The following DENND6A variants were observed in gnomAD, a reference collection of about 807,000 sequenced individuals.
DENND6A encodes protein DENND6A.
In DENND6A, 43 loss-of-function variants were observed where a neutral mutation model predicts 95.5. The observed-to-expected ratio is 0.45, with a 90% CI of 0.35 to 0.58. The LOEUF (loss-of-function observed/expected upper bound fraction) is 0.58. DENND6A is among the 20% of genes least tolerant of loss of function. The probability of loss-of-function intolerance (pLI) is 0.00; values close to 1 mark genes in which losing one functional copy is unlikely to be tolerated. For missense variants in DENND6A, 574 were observed against 736.0 expected (o/e 0.78, Z 2.55); for synonymous variants, 257 against 260.4 (o/e 0.99, Z 0.13).
intron 9 of DENND6A, among the ~76,000 whole-genome samples, chr3:57,652,628 C>T (rs114552515): frequency 0.01 from 1,540 of 152,230 alleles, 30 homozygotes; most frequent in African/African-American, 0.035. Context: ...CCCAAAAATA[C>T]CTAATTACAA....
chr3:57,672,721 C>T (rs915946409), intron 1 of DENND6A, among the ~76,000 whole-genome samples: 4 of 151,610 alleles, frequency 2.6e-5, no homozygotes, highest in African/African-American at 9.7e-5. Flanking sequence ...AGACAGAGAT[C>T]GTAGTAAGCC....
chr3:57,685,563 T>G (rs2077204554), intron 1 of DENND6A, among the ~76,000 whole-genome samples: 1 of 151,668 alleles, frequency 6.6e-6, no homozygotes, highest in South Asian at 2.1e-4. Context: ...AGTTTCAGGT[T>G]TTGGAGCGTC....
At position 57,633,148 on chromosome 3, in the gene DENND6A, A is replaced by G; in HGVS notation, c.1353+117T>C. 6 of 842,916 alleles carry G rather than the reference A, an allele frequency of 7.1e-6. No homozygotes were observed. In the South Asian group the frequency reaches 1.0e-4, roughly 14 times the overall value. The allele number at this position is 842,916 out of a possible 1,614,324, so 52.2% of individuals were successfully genotyped here. On this transcript the variant is annotated intron_variant, in intron 15 of 19. Transcript: ENST00000311128. Reference sequence around the variant, plus strand: ...GCAAAGGGGTTTATTTTTAATCACTAAATATACCAGGCTGGCAAAACACAC... The same window carrying G: ...GCAAAGGGGTTTATTTTTAATCACTGAATATACCAGGCTGGCAAAACACAC...
intron 9 of DENND6A, among the ~76,000 whole-genome samples, chr3:57,647,275 T>C (rs1181730416): frequency 6.6e-6 from 1 of 151,982 alleles, no homozygotes; most frequent in Non-Finnish European, 1.5e-5. Flanking sequence ...AAAAACAAGA[T>C]AAGTGCCACA....
At position 57,670,561 on chromosome 3, in the gene DENND6A, A is replaced by G. The variant is rs564555940; in HGVS notation, c.319+1695T>C. 3.3e-5 allele frequency among the ~76,000 whole-genome samples: 5 copies of G among 152,326 alleles called. No individual in the cohort carries two copies. The East Asian group carries it at 9.6e-4, about 29-fold the overall frequency. ...TTTTCTCCTCTTCCTGGTATGGGAAAGGGAAGGGGTGACACCTTCACAAAA... is the reference window on the plus strand; with the variant it reads ...TTTTCTCCTCTTCCTGGTATGGGAAGGGGAAGGGGTGACACCTTCACAAAA... On this transcript the variant is annotated intron_variant, in intron 3 of 19. Coordinates refer to ENST00000311128, the MANE Select transcript of DENND6A (RefSeq NM_152678.3).
intron 1 of DENND6A, among the ~76,000 whole-genome samples, chr3:57,677,781 G>A (rs186248787): frequency 1.3e-5 from 2 of 152,022 alleles, no homozygotes; most frequent in African/African-American, 2.4e-5. Flanking sequence ...TTCCTTGATG[G>A]CAGAAAGCAC....
chr3:57,648,163 T>C (rs897643145), intron 9 of DENND6A, among the ~76,000 whole-genome samples: 2 of 152,124 alleles, frequency 1.3e-5, no homozygotes, highest in Non-Finnish European at 2.9e-5. Context: ...TCAGCAAAGT[T>C]TCCGAATACA....
chr3:57,639,556 A>G (rs1230015776), intron 12 of DENND6A, among the ~76,000 whole-genome samples: 1 of 152,234 alleles, frequency 6.6e-6, no homozygotes. Flanking sequence ...AAAATTTATC[A>G]TATCATCTCA....
chr3:57,689,249 G>A (rs577179644), intron 1 of DENND6A, among the ~76,000 whole-genome samples: 10 of 151,836 alleles, frequency 6.6e-5, no homozygotes, highest in South Asian at 2.1e-4. Context: ...CGCCATGCCC[G>A]GCCTAGTGTT....
chr3:57,631,066 TA>T, intron 15 of DENND6A, 88 bp from the exon 16 acceptor site: 1 of 1,204,000 alleles, frequency 8.3e-7, no homozygotes, highest in Non-Finnish European at 1.2e-6. Context: ...TTTAAGTTTT[TA>T]ATCATATGCC....
chr3:57,633,108 T>C (rs1390944932), intron 15 of DENND6A, among the ~76,000 whole-genome samples, 157 bp downstream of exon 15: 1 of 152,170 alleles, frequency 6.6e-6, no homozygotes, highest in African/African-American at 2.4e-5. Flanking sequence ...CTAGAACAGA[T>C]AATCCAGGTC....
intron 3 of DENND6A, among the ~76,000 whole-genome samples, chr3:57,666,717 T>A (rs370825797): frequency 6.6e-6 from 1 of 152,292 alleles, no homozygotes; most frequent in African/African-American, 2.4e-5. Context: ...GTGGTTACAT[T>A]TGGAGGAAAG....
intron 9 of DENND6A, among the ~76,000 whole-genome samples, chr3:57,655,774 T>C (rs2071312861): frequency 6.6e-6 from 1 of 152,176 alleles, no homozygotes; most frequent in East Asian, 1.9e-4. Flanking sequence ...TCCAAAACAC[T>C]TCTGATTCTG....
At chr3:57,636,489 T>C (rs902374573) in intron 12 of DENND6A, among the ~76,000 whole-genome samples, 10 of 152,126 alleles carry the variant, frequency 6.6e-5, no homozygotes, top group Admixed American at 5.2e-4. Flanking sequence ...CAGCAAAATA[T>C]GATACAGAGA....
At chr3:57,692,705 C>G in intron 1 of DENND6A, 77 bp downstream of exon 1, 2 of 1,317,782 alleles carry the variant, frequency 1.5e-6, no homozygotes, top group Non-Finnish European at 2.0e-6. Flanking sequence ...GGCCGGTCAG[C>G]CCGCGGGCCG....
chr3:57,687,159 A>G (rs1306246986), intron 1 of DENND6A, among the ~76,000 whole-genome samples: 3 of 152,140 alleles, frequency 2.0e-5, no homozygotes, highest in Admixed American at 6.5e-5. Flanking sequence ...ACACCCAGCC[A>G]AAGGAAAAGT....
chr3:57,683,313 A>T (rs1408836940), intron 1 of DENND6A, among the ~76,000 whole-genome samples: 1 of 152,232 alleles, frequency 6.6e-6, no homozygotes, highest in Non-Finnish European at 1.5e-5. Flanking sequence ...TGCTAACTTT[A>T]TCAAGTGTTT....
chr3:57,683,304 G>C (rs904637527), intron 1 of DENND6A, among the ~76,000 whole-genome samples: 2 of 152,132 alleles, frequency 1.3e-5, no homozygotes, highest in African/African-American at 4.8e-5. Context: ...AATTACAATT[G>C]CTAACTTTAT....
chr3:57,653,838 T>G (rs1464602580), intron 9 of DENND6A, among the ~76,000 whole-genome samples: 1 of 151,688 alleles, frequency 6.6e-6, no homozygotes, highest in African/African-American at 2.4e-5. Context: ...TGGGTTTTTT[T>G]TTTTTAGTAC....
Sources: allele counts gnomAD v4.1 joint callset (sites outside exome capture counted in the v4.1 genomes callset), GRCh38; gene constraint gnomAD v4.1.1; transcripts MANE v1.5; gene names NCBI Gene and HGNC (gene_info 2026-07-23, HGNC 2026-07-21).